The following NFX1 variants were observed in gnomAD, a reference collection of about 807,000 sequenced individuals.
NFX1 encodes nuclear transcription factor, X-box binding 1, also known as transcriptional repressor NF-X1.
A neutral mutation model predicts 137.2 loss-of-function variants in NFX1; 69 were observed. The ratio of observed to expected loss-of-function variants is 0.50; its 90% CI spans 0.41 to 0.61. NFX1 has a LOEUF of 0.61. Among genes scored for constraint, NFX1 ranks in the 20% least tolerant of loss-of-function variants. The pLI, the probability that NFX1 is intolerant of heterozygous loss-of-function variation, is 0.00. For missense variants in NFX1, 1,167 were observed against 1,391.0 expected (o/e 0.84, Z 2.56); for synonymous variants, 495 against 474.1 (o/e 1.04, Z -0.57).
intron 9 of NFX1, 132 bp from the exon 10 acceptor site, chr9:33,328,449 T>G: frequency 3.1e-6 from 2 of 643,364 alleles, no homozygotes; most frequent in Non-Finnish European, 5.6e-6. Flanking sequence ...AAGCATTGAC[T>G]GCATACTTCC....
rs1027581616 is a variant in NFX1 at position 33,370,085 on chromosome 9, C to T, written c.*107C>T. On this transcript the variant is annotated 3_prime_UTR_variant, in exon 24 of 24. Coordinates refer to ENST00000379540, the MANE Select transcript of NFX1 (RefSeq NM_002504.6). ...CCTCTGCCTGGCAGAATCACAGTCTCACATACTGTCTTGTACTGACACATC... is the reference window on the plus strand; with the variant it reads ...CCTCTGCCTGGCAGAATCACAGTCTTACATACTGTCTTGTACTGACACATC... The T allele has an allele frequency of 6.2e-6, 5 of 806,454 alleles. No homozygotes were observed. The highest frequency in any genetic ancestry group is 1.5e-5 in the South Asian group (1 of 65,018). The allele number at this position is 806,454 out of a possible 1,614,324, so 50.0% of individuals were successfully genotyped here.
intron 14 of NFX1, among the ~76,000 whole-genome samples, chr9:33,344,671 T>G (rs1162750327): frequency 6.7e-6 from 1 of 149,708 alleles, no homozygotes; most frequent in East Asian, 2.0e-4. Flanking sequence ...ATTGAGACCA[T>G]CCTGCCCAAC....
At chr9:33,358,423 C>T (rs1823883262) in intron 19 of NFX1, among the ~76,000 whole-genome samples, 2 of 151,892 alleles carry the variant, frequency 1.3e-5, no homozygotes, top group Non-Finnish European at 2.9e-5. Flanking sequence ...TGCGCCTGGC[C>T]AACTTTTAAT....
At chr9:33,328,443 A>G (rs1822677136) in intron 9 of NFX1, 138 bp from the exon 10 acceptor site, 2 of 627,450 alleles carry the variant, frequency 3.2e-6, no homozygotes, top group Admixed American at 2.6e-5. Flanking sequence ...GGGAAGAAGC[A>G]TTGACTGCAT....
At chr9:33,339,946 G>T (rs1823157071) in intron 12 of NFX1, among the ~76,000 whole-genome samples, 2 of 152,250 alleles carry the variant, frequency 1.3e-5, no homozygotes, top group African/African-American at 4.8e-5. Context: ...TGGCTTTGCA[G>T]TGTGCAGCCC....
At chr9:33,344,295 C>T in intron 14 of NFX1, 107 bp downstream of exon 14, 2 of 1,499,182 alleles carry the variant, frequency 1.3e-6, no homozygotes. Flanking sequence ...GATGGCTGCC[C>T]CTTGCTCCCG....
chr9:33,365,155 T>C (rs1025809440), intron 21 of NFX1: 8 of 211,282 alleles, frequency 3.8e-5, no homozygotes, highest in Admixed American at 1.2e-4. Context: ...GCACCTGTTA[T>C]TCCAGCTACT....
intron 6 of NFX1, among the ~76,000 whole-genome samples, chr9:33,312,663 G>C (rs1429029753): frequency 6.6e-6 from 1 of 152,224 alleles, no homozygotes; most frequent in Non-Finnish European, 1.5e-5. Context: ...TTGAGGTTAA[G>C]AGTTCGAGAC....
Position 33,294,782 on chromosome 9 carries a change from G to T in NFX1, c.388G>T (p.Asp130Tyr), listed in dbSNP as rs758715470. ...KAQSLAEQTSDTAGLESSTRS... is the reference protein window; with the variant it reads ...KAQSLAEQTSYTAGLESSTRS... ...ACAGAGTCTTGCTGAGCAGACCTCAGATACAGCTGGATTAGAGAGCTCGAC... is the reference window on the plus strand; with the variant it reads ...ACAGAGTCTTGCTGAGCAGACCTCATATACAGCTGGATTAGAGAGCTCGAC... Residue 130 changes from aspartate to tyrosine, a missense_variant, in exon 2 of 24, where the codon GAT becomes TAT. Coordinates refer to ENST00000379540, the MANE Select transcript of NFX1 (RefSeq NM_002504.6). The T allele has an allele frequency of 1.2e-6, 2 of 1,614,102 alleles. No homozygotes were observed. The highest frequency in any genetic ancestry group is 2.2e-5 in the South Asian group (2 of 91,086).
chr9:33,307,453 T>G (rs1298300462), intron 5 of NFX1, among the ~76,000 whole-genome samples, 154 bp downstream of exon 5: 3 of 152,256 alleles, frequency 2.0e-5, no homozygotes, highest in Admixed American at 1.3e-4. Context: ...CCAGGCACTC[T>G]ACATCAGTTA....
At chr9:33,334,060 A>T (rs1822909872) in intron 11 of NFX1, among the ~76,000 whole-genome samples, 4 of 152,166 alleles carry the variant, frequency 2.6e-5, no homozygotes, top group Admixed American at 2.6e-4. Flanking sequence ...CAGGAGAATC[A>T]CTTGAACTCA....
intron 6 of NFX1, 119 bp downstream of exon 6, chr9:33,311,296 CT>C (rs961787514): frequency 0.022 from 15,036 of 687,022 alleles, no homozygotes; most frequent in South Asian, 0.03. Context: ...ATGAATAGTA[CT>C]TTTTTTTTTT....
rs779680360 is a variant in NFX1, at chr9:33,295,382, C to T, written c.988C>T (p.Arg330Ter). ...TCCTCAAGTAGTATCTCCTTTCTCC[C>T]GAGGCAAACAGAACCATGTGCTAAA... ...QDPQVVSPFS[R>*]GKQNHVLKNV... Residue 330 changes from arginine (R) to a stop codon, truncating the protein, a stop_gained, in exon 2 of 24, where the codon CGA becomes TGA. Transcript: ENST00000379540. LOFTEE classifies it high-confidence loss of function. 7 of 1,613,956 alleles carry T rather than the reference C, an allele frequency of 4.3e-6. No homozygotes were observed. The highest frequency in any genetic ancestry group is 5.9e-6 in the Non-Finnish European group (7 of 1,180,016).
rs1254532620 is a variant in NFX1, at chr9:33,313,871, G to C, written c.1588+78G>C. 3 of 1,465,024 alleles carry C rather than the reference G, an allele frequency of 2.0e-6. No individual in the cohort carries two copies. In the East Asian group the frequency reaches 6.9e-5, roughly 34 times the overall value. The allele number at this position is 1,465,024 out of a possible 1,614,324, so 90.8% of individuals were successfully genotyped here. A position where few individuals can be genotyped will look rare whatever the true frequency, so the allele number is the denominator to read the frequency against. On this transcript the variant is annotated intron_variant, in intron 7 of 23. Coordinates refer to ENST00000379540, the MANE Select transcript of NFX1 (RefSeq NM_002504.6). The stretch of plus-strand genomic sequence containing the variant: ...ATTAATGATTGTCTTGATAAACTTT[G>C]ATTGGTGTCAGACTTTTAGTCACAA...
At chr9:33,338,127 G>A (rs553001162) in intron 11 of NFX1, among the ~76,000 whole-genome samples, 21 of 151,696 alleles carry the variant, frequency 1.4e-4, no homozygotes, top group Non-Finnish European at 2.4e-4. Flanking sequence ...GGCCATGGGA[G>A]GTGGATCACC....
chr9:33,296,264 G>A (rs928865321), intron 2 of NFX1, among the ~76,000 whole-genome samples: 3 of 152,134 alleles, frequency 2.0e-5, no homozygotes, highest in Non-Finnish European at 2.9e-5. Flanking sequence ...GCTTAATTCC[G>A]TTTACTGCTT....
chr9:33,327,212 G>A (rs944099227), intron 9 of NFX1, among the ~76,000 whole-genome samples: 3 of 152,134 alleles, frequency 2.0e-5, no homozygotes, highest in Non-Finnish European at 2.9e-5. Flanking sequence ...TTTTATAGAG[G>A]TGGAATCTCA....
chr9:33,323,625 C>T (rs551883580), intron 9 of NFX1, among the ~76,000 whole-genome samples: 3 of 152,066 alleles, frequency 2.0e-5, no homozygotes, highest in South Asian at 2.1e-4. Flanking sequence ...TGTTGGTATG[C>T]GCCTGTGGTC....
At chr9:33,290,710 C>A in intron 1 of NFX1, 113 bp downstream of exon 1, 1 of 1,061,780 alleles carries the variant, frequency 9.4e-7, no homozygotes, top group Non-Finnish European at 1.3e-6. Context: ...CATGCTAGGG[C>A]GTAGGATAGT....
Sources: gnomAD v4.1 joint callset for allele counts (sites outside exome capture counted in the v4.1 genomes callset) on GRCh38, gnomAD v4.1.1 for gene constraint, MANE v1.5 for transcripts, NCBI Gene and HGNC (gene_info 2026-07-23, HGNC 2026-07-21) for gene names.